The following RASD1 variants were observed in gnomAD, a reference collection of about 807,000 sequenced individuals.
RASD1 encodes ras related dexamethasone induced 1, also known as dexamethasone-induced Ras-related protein 1.
Under a neutral mutation model 16.7 loss-of-function variants are expected in RASD1, and 13 were observed. The observed-to-expected ratio is 0.78, with a 90% CI of 0.51 to 1.24. The LOEUF is 1.24. Ranked by LOEUF, RASD1 falls within the 50% of genes most tolerant of loss-of-function variation. RASD1 has a pLI of 0.00. For synonymous variants in RASD1, 170 were observed against 172.6 expected, an observed-to-expected ratio of 0.98 and a Z score of 0.12; for missense variants, 397 against 407.5, an observed-to-expected ratio of 0.97 and a Z score of 0.22.
In RASD1 at chr17:17,495,218, G is replaced by T; in HGVS notation, c.753C>A (p.Arg251=). 5 of 1,610,182 alleles carry T rather than the reference G, an allele frequency of 3.1e-6. No individual in the cohort carries two copies. The highest frequency in any genetic ancestry group is 4.2e-6 in the Non-Finnish European group (5 of 1,179,176). ...DAFGIVAPFA[R]RPSVHSDLMY... is the part of the protein sequence containing the mutation. ...TGAGGTCGCTGTGTACGCTGGGCCG[G>T]CGCGCGAAGGGTGCCACGATGCCAA... is the stretch of plus-strand genomic sequence containing the variant. Residue 251 remains arginine (R), a synonymous_variant, in exon 2 of 2, where the codon CGC becomes CGA. Coordinates refer to ENST00000225688, the MANE Select transcript of RASD1 (RefSeq NM_016084.5).
intron 1 of RASD1, 47 bp from the exon 2 acceptor site, chr17:17,495,731 C>T (rs746306711): frequency 6.5e-6 from 10 of 1,532,088 alleles, no homozygotes; most frequent in Admixed American, 4.0e-5. Context: ...AGGGTGGCCG[C>T]CCAGGGGACA....
chr17:17,496,337 C>CGGGCTAGGCTG lies in RASD1; in HGVS notation c.-167_-157dup, dbSNP rs1229454315. 1 of 790,416 alleles carries CGGGCTAGGCTG rather than the reference C, an allele frequency of 1.3e-6. No homozygotes were observed. Among genetic ancestry groups the CGGGCTAGGCTG allele is most frequent in the Non-Finnish European group, 1.9e-6 (1 of 529,272 alleles). The allele number at this position is 790,416 out of a possible 1,614,324, so 49.0% of individuals were successfully genotyped here. The stretch of plus-strand genomic sequence containing the variant: ...GCTCCGGCTCCGCTCGGGCTGGGCT[C>CGGGCTAGGCTG]GGGCTAGGCTGGGCTCGGCTGGGGT... On this transcript the variant is annotated 5_prime_UTR_variant, in exon 1 of 2. Coordinates refer to ENST00000225688, the MANE Select transcript of RASD1 (RefSeq NM_016084.5).
chr17:17,495,228 G>A lies in RASD1; in HGVS notation c.743C>T (p.Pro248Leu), dbSNP rs766110210. 2 of 1,608,798 alleles carry A rather than the reference G, an allele frequency of 1.2e-6. No homozygotes were observed. The highest frequency in any genetic ancestry group is 1.7e-6 in the Non-Finnish European group (2 of 1,178,672). Residue 248 changes from proline (P) to leucine (L), a missense_variant, in exon 2 of 2, where the codon CCC becomes CTC. By Grantham distance (98) the Pro-to-Leu change is moderately conservative. Transcript: ENST00000225688. Reference sequence around the variant, plus strand: ...GTGTACGCTGGGCCGGCGCGCGAAGGGTGCCACGATGCCAAAGGCGTCGCC... The same window carrying A: ...GTGTACGCTGGGCCGGCGCGCGAAGAGTGCCACGATGCCAAAGGCGTCGCC... ...DPGDAFGIVA[P>L]FARRPSVHSD...
chr17:17,494,936 G>A lies in RASD1; in HGVS notation c.*189C>T. On this transcript the variant is annotated 3_prime_UTR_variant, in exon 2 of 2. Transcript: ENST00000225688. ...TGGGGAATAGTCCCAGTCTTGGCCC[G>A]TTCTCTTTCCTTCCGGAGCAGATGA... 2 of 746,444 alleles carry A rather than the reference G, an allele frequency of 2.7e-6. No homozygotes were observed. The highest frequency in any genetic ancestry group is 2.1e-6 in the Non-Finnish European group (1 of 475,754). The allele number at this position is 746,444 out of a possible 1,614,324, so 46.2% of individuals were successfully genotyped here.
chr17:17,496,361 G>A lies in RASD1; in HGVS notation c.-180C>T, dbSNP rs1051112134. On this transcript the variant is annotated 5_prime_UTR_variant, in exon 1 of 2. Coordinates refer to ENST00000225688, the MANE Select transcript of RASD1 (RefSeq NM_016084.5). ...TCGGGCTAGGCTGGGCTCGGCTGGG[G>A]TTCTCCCAGGATCTGGGCACAGGCC... 67 of 648,238 alleles carry A rather than the reference G, an allele frequency of 1.0e-4. No individual in the cohort carries two copies. The highest frequency in any genetic ancestry group is 1.2e-4 in the Non-Finnish European group (47 of 407,306). 40.2% of individuals were successfully genotyped at this position (648,238 alleles called of 1,614,324 possible).
At position 17,496,214 on chromosome 17, in the gene RASD1, C is replaced by G; in HGVS notation, c.-33G>C. 1 of 1,543,692 alleles carries G rather than the reference C, an allele frequency of 6.5e-7. No individual in the cohort carries two copies. The highest frequency in any genetic ancestry group is 8.8e-7 in the Non-Finnish European group (1 of 1,142,132). On this transcript the variant is annotated 5_prime_UTR_variant, in exon 1 of 2. Transcript: ENST00000225688. ...AGGGGCCGCGAGGGCGGGCGCGGGG[C>G]CGAGAGAAGGGCAGAGAGCGGCTGA...
At position 17,495,429 on chromosome 17, in the gene RASD1, T is replaced by C. The variant is rs910213159; in HGVS notation, c.542A>G (p.Asn181Ser). ...CAYFEISAKK[N>S]SSLDQMFRAL... ...GCGGAACATCTGGTCCAGGCTGCTG[T>C]TCTTCTTGGCCGAGATCTCGAAGTA... The change falls in exon 2 of 2, where the codon AAC (asparagine) becomes AGC (serine). Residue 181 changes from asparagine to serine, a missense_variant. Physicochemically the swap from Asn to Ser is conservative, Grantham distance 46. Coordinates refer to ENST00000225688, the MANE Select transcript of RASD1 (RefSeq NM_016084.5). 1.2e-6 allele frequency: 2 copies of C among 1,607,458 alleles called. No homozygotes were observed. Among genetic ancestry groups the C allele is most frequent in the African/African-American group, 1.3e-5 (1 of 74,956 alleles).
rs528286142 is a variant in RASD1 at position 17,494,806 on chromosome 17, C to T, written c.*319G>A. On this transcript the variant is annotated 3_prime_UTR_variant, in exon 2 of 2. Coordinates refer to ENST00000225688, the MANE Select transcript of RASD1 (RefSeq NM_016084.5). Reference sequence around the variant, plus strand: ...GGCTGGATAACTTCACATCCCTCCCCCACCCCGCGCTCACTCTTAGGTCTT... The same window carrying T: ...GGCTGGATAACTTCACATCCCTCCCTCACCCCGCGCTCACTCTTAGGTCTT... 1,827 of 419,740 alleles carry T rather than the reference C, an allele frequency of 4.4e-3. 11 individuals are homozygous for T. Among genetic ancestry groups the T allele is most frequent in the Non-Finnish European group, 6.5e-3 (1,538 of 235,638 alleles). 26.0% of individuals were successfully genotyped at this position (419,740 alleles called of 1,614,324 possible).
In RASD1 at chr17:17,495,402, G is replaced by T; in HGVS notation, c.569C>A (p.Ala190Glu). The change falls in exon 2 of 2, where the codon GCG becomes GAG. Residue 190 changes from alanine to glutamate, a missense_variant. By Grantham distance (107) the Ala-to-Glu change is moderately radical. Coordinates refer to ENST00000225688, the MANE Select transcript of RASD1 (RefSeq NM_016084.5). ...KNSSLDQMFR[A>E]LFAMAKLPSE... ...GGGCAGCTTGGCCATGGCGAAGAGC[G>T]CGCGGAACATCTGGTCCAGGCTGCT... 5.0e-6 allele frequency: 8 copies of T among 1,603,730 alleles called. No individual in the cohort carries two copies. Among genetic ancestry groups the T allele is most frequent in the Non-Finnish European group, 6.8e-6 (8 of 1,175,776 alleles).
rs200956285 is a variant in RASD1 at position 17,495,258 on chromosome 17, T to TCGC, written c.710_712dup (p.Gly237dup). 8.5e-5 allele frequency: 133 copies of TCGC among 1,571,698 alleles called. No individual in the cohort carries two copies. The highest frequency in any genetic ancestry group is 4.5e-4 in the African/African-American group (33 of 73,702). On this transcript the variant is annotated inframe_insertion, in exon 2 of 2. Coordinates refer to ENST00000225688, the MANE Select transcript of RASD1 (RefSeq NM_016084.5). ...CACGATGCCAAAGGCGTCGCCCGGG[T>TCGC]CGCCGCCGCCGCCGCCGCTGCCGGC...
chr17:17,494,843 A>C lies in RASD1; in HGVS notation c.*282T>G. ...CACTCTTAGGTCTTTGAGAAGATAA[A>C]TCCACCCTCGGCTGGGCCCTCGCTC... On this transcript the variant is annotated 3_prime_UTR_variant, in exon 2 of 2. Transcript: ENST00000225688. 1.9e-6 allele frequency: 1 copy of C among 535,672 alleles called. No homozygotes were observed. Among genetic ancestry groups the C allele is most frequent in the Non-Finnish European group, 3.3e-6 (1 of 305,206 alleles). The allele number at this position is 535,672 out of a possible 1,614,324, so 33.2% of individuals were successfully genotyped here.
Position 17,494,972 on chromosome 17 carries a change from T to C in RASD1, c.*153A>G. 1 of 942,248 alleles carries C rather than the reference T, an allele frequency of 1.1e-6. No homozygotes were observed. The highest frequency in any genetic ancestry group is 1.6e-6 in the Non-Finnish European group (1 of 645,118). 58.4% of individuals were successfully genotyped at this position (942,248 alleles called of 1,614,324 possible). ...TTCCGGAGCAGATGACCGTCCCTTC[T>C]CGGTTCAGTGGCGCCTCCCCAGTGC... is the stretch of plus-strand genomic sequence containing the variant. On this transcript the variant is annotated 3_prime_UTR_variant, in exon 2 of 2. Transcript: ENST00000225688.
chr17:17,495,953 G>C lies in RASD1; in HGVS notation c.229C>G (p.Leu77Val), dbSNP rs777156740. 1 of 1,612,576 alleles carries C rather than the reference G, an allele frequency of 6.2e-7. No individual in the cohort carries two copies. The highest frequency in any genetic ancestry group is 8.5e-7 in the Non-Finnish European group (1 of 1,179,988). The change falls in exon 1 of 2, where the codon CTC becomes GTC. Residue 77 changes from leucine (L) to valine (V), a missense_variant. Transcript: ENST00000225688. ...IRGEVYQLDILDTSGNHPFPA... is the reference protein window; with the variant it reads ...IRGEVYQLDIVDTSGNHPFPA... Reference sequence around the variant, plus strand: ...AACGGGTGGTTGCCGGACGTGTCGAGGATGTCGAGCTGGTAGACCTCGCCG... The same window carrying C: ...AACGGGTGGTTGCCGGACGTGTCGACGATGTCGAGCTGGTAGACCTCGCCG...
At position 17,496,027 on chromosome 17, in the gene RASD1, G is replaced by A; in HGVS notation, c.155C>T (p.Ala52Val). Residue 52 changes from alanine to valine, a missense_variant, in exon 1 of 2, where the codon GCC (alanine) becomes GTC (valine). Coordinates refer to ENST00000225688, the MANE Select transcript of RASD1 (RefSeq NM_016084.5). Reference protein sequence around the residue: ...SRFLTGRFEDAYTPTIEDFHR... With the variant: ...SRFLTGRFEDVYTPTIEDFHR... ...GAAGTCCTCGATGGTAGGCGTGTAG[G>A]CGTCCTCGAAGCGGCCGGTGAGGAA... 6 of 1,614,112 alleles carry A rather than the reference G, an allele frequency of 3.7e-6. No homozygotes were observed. Among genetic ancestry groups the A allele is most frequent in the Non-Finnish European group, 5.1e-6 (6 of 1,180,024 alleles).
Position 17,495,017 on chromosome 17 carries a change from G to A in RASD1, c.*108C>T, listed in dbSNP as rs1464866748. ...CAGTGCTGGGGGCGGATCGCCGGGA[G>A]GGGAGACGCCAGTCCGCGCGCGCTC... On this transcript the variant is annotated 3_prime_UTR_variant, in exon 2 of 2. Transcript: ENST00000225688. 1 of 1,378,422 alleles carries A rather than the reference G, an allele frequency of 7.3e-7. No homozygotes were observed. The highest frequency in any genetic ancestry group is 1.5e-5 in the African/African-American group (1 of 67,044). The allele number at this position is 1,378,422 out of a possible 1,614,324, so 85.4% of individuals were successfully genotyped here. A position where few individuals can be genotyped will look rare whatever the true frequency, so the allele number is the denominator to read the frequency against.
chr17:17,494,811 C>G lies in RASD1; in HGVS notation c.*314G>C. ...GATAACTTCACATCCCTCCCCCACC[C>G]CGCGCTCACTCTTAGGTCTTTGAGA... On this transcript the variant is annotated 3_prime_UTR_variant, in exon 2 of 2. Transcript: ENST00000225688. The G allele has an allele frequency of 2.3e-6, 1 of 437,236 alleles. No individual in the cohort carries two copies. 27.1% of individuals were successfully genotyped at this position (437,236 alleles called of 1,614,324 possible).
Position 17,495,680 on chromosome 17 carries a change from G to A in RASD1, c.291C>T (p.Asp97=), listed in dbSNP as rs746824858. 9.3e-6 allele frequency: 15 copies of A among 1,606,566 alleles called. No homozygotes were observed. The highest frequency in any genetic ancestry group is 3.4e-5 in the Admixed American group (2 of 59,592). Residue 97 remains aspartate, a synonymous_variant, in exon 2 of 2, where the codon GAC becomes GAT. Coordinates refer to ENST00000225688, the MANE Select transcript of RASD1 (RefSeq NM_016084.5). ...AMRRLSILTG[D]VFILVFSLDN... ...CCAGACTGAACACCAGGATGAAAAC[G>A]TCTCCTAGAGGGGGCACAGAGAGCA...
Position 17,495,486 on chromosome 17 carries a change from T to TG in RASD1, c.484dup (p.Gln162ProfsTer222). 6.2e-7 allele frequency: 1 copy of TG among 1,610,920 alleles called. No individual in the cohort carries two copies. Among genetic ancestry groups the TG allele is most frequent in the Non-Finnish European group, 8.5e-7 (1 of 1,178,992 alleles). Reference sequence around the variant, plus strand: ...GCGCTGGGGGTCGTCGCCCACCAGCTGCTCGATCTCGCGCTGGTCCACCTC... The same window carrying TG: ...GCGCTGGGGGTCGTCGCCCACCAGCTGGCTCGATCTCGCGCTGGTCCACCTC... On this transcript the variant is annotated frameshift_variant, in exon 2 of 2. Coordinates refer to ENST00000225688, the MANE Select transcript of RASD1 (RefSeq NM_016084.5). LOFTEE classifies it high-confidence loss of function.
Position 17,494,934 on chromosome 17 carries a change from C to A in RASD1, c.*191G>T. On this transcript the variant is annotated 3_prime_UTR_variant, in exon 2 of 2. Transcript: ENST00000225688. ...GGTGGGGAATAGTCCCAGTCTTGGC[C>A]CGTTCTCTTTCCTTCCGGAGCAGAT... 1 of 735,158 alleles carries A rather than the reference C, an allele frequency of 1.4e-6. No individual in the cohort carries two copies. The highest frequency in any genetic ancestry group is 1.9e-5 in the South Asian group (1 of 52,900). The allele number at this position is 735,158 out of a possible 1,614,324, so 45.5% of individuals were successfully genotyped here.
Sources: allele counts gnomAD v4.1 joint callset, GRCh38; gene constraint gnomAD v4.1.1; transcripts MANE v1.5; gene names NCBI Gene and HGNC (gene_info 2026-07-23, HGNC 2026-07-21).